CLIP4: variants seen among roughly 807,000 people sequenced by gnomAD.
CLIP4 encodes the protein CAP-Gly domain containing linker protein family member 4.
A neutral mutation model predicts 73.1 loss-of-function variants in CLIP4; 47 were observed. The ratio of observed to expected loss-of-function variants is 0.64; its 90% CI spans 0.51 to 0.82. The LOEUF is 0.82. Among genes scored for constraint, CLIP4 ranks in the 40% least tolerant of loss-of-function variants. The probability of loss-of-function intolerance (pLI) is 0.00; values close to 1 mark genes in which losing one functional copy is unlikely to be tolerated. For missense variants in CLIP4, 874 were observed against 852.9 expected, an observed-to-expected ratio of 1.02 and a Z score of -0.31; for synonymous variants, 306 against 295.4, an observed-to-expected ratio of 1.04 and a Z score of -0.37.
intron 2 of CLIP4, among the ~76,000 whole-genome samples, chr2:29,125,674 T>C (rs1664556212): frequency 6.6e-6 from 1 of 152,184 alleles, no homozygotes; most frequent in Non-Finnish European, 1.5e-5. Flanking sequence ...CTGGGGCATG[T>C]GTAGGACTTT....
chr2:29,156,441 A>G lies in CLIP4; in HGVS notation c.1253A>G (p.Asp418Gly). The change falls in exon 10 of 16, where the codon GAT (aspartate) becomes GGT (glycine). Residue 418 changes from aspartate to glycine, a missense_variant and splice_region_variant. Physicochemically the swap from Asp to Gly is moderately conservative, Grantham distance 94 (BLOSUM62 -1). Transcript: ENST00000320081. ...GEELKTVTEK[D>G]VALLGSVSSC... is the part of the protein sequence containing the mutation. ...GAACTTAAAACTGTGACAGAGAAAGATGGTAATATACCTTGTAACCTCTGT... is the reference window on the plus strand; with the variant it reads ...GAACTTAAAACTGTGACAGAGAAAGGTGGTAATATACCTTGTAACCTCTGT... 1 of 1,566,002 alleles carries G rather than the reference A, an allele frequency of 6.4e-7. No homozygotes were observed. The highest frequency in any genetic ancestry group is 1.2e-5 in the South Asian group (1 of 83,536).
chr2:29,154,278 A>G (rs1230954774), intron 9 of CLIP4, among the ~76,000 whole-genome samples: 1 of 152,316 alleles, frequency 6.6e-6, no homozygotes, highest in Admixed American at 6.5e-5. Flanking sequence ...TCTGAGGAGC[A>G]GAAAAGGGGT....
intron 12 of CLIP4, among the ~76,000 whole-genome samples, chr2:29,160,787 C>T (rs935246604): frequency 4.6e-5 from 7 of 151,950 alleles, no homozygotes; most frequent in East Asian, 1.9e-4. Context: ...ATTTTTGCTA[C>T]GGATAATCTT....
rs184634899 is a variant in CLIP4, at chr2:29,172,450, G to A, written c.1724-1923G>A. ...TTTCCCCCTGCATATTGACAGTATC[G>A]TTGTGCTGTTTTTGGCTTCTGTCAT... On this transcript the variant is annotated intron_variant, in intron 14 of 15. Transcript: ENST00000320081. Among the ~76,000 whole-genome samples, 68 of 152,146 alleles carry A rather than the reference G, an allele frequency of 4.5e-4. 2 individuals are homozygous for A. The highest frequency in any genetic ancestry group is 3.6e-3 in the Admixed American group (55 of 15,286).
chr2:29,165,673 A>T (rs1667563265), intron 13 of CLIP4, among the ~76,000 whole-genome samples: 1 of 152,190 alleles, frequency 6.6e-6, no homozygotes, highest in Admixed American at 6.5e-5. Flanking sequence ...GCAGTCTCTT[A>T]CAAGTTTTGT....
At chr2:29,166,557 ACACACT>A (rs1426859573) in intron 13 of CLIP4, among the ~76,000 whole-genome samples, 2 of 146,154 alleles carry the variant, frequency 1.4e-5, no homozygotes, top group Non-Finnish European at 3.1e-5. Flanking sequence ...ACACACACAC[ACACACT>A]GCTCAAGTAA....
At chr2:29,173,785 C>A (rs919529466) in intron 14 of CLIP4, among the ~76,000 whole-genome samples, 36 of 152,090 alleles carry the variant, frequency 2.4e-4, no homozygotes, top group Non-Finnish European at 2.9e-4. Flanking sequence ...GTTTTTATTT[C>A]TGTTGTATTA....
intron 2 of CLIP4, among the ~76,000 whole-genome samples, chr2:29,127,169 A>G (rs892343255): frequency 6.6e-6 from 1 of 152,006 alleles, no homozygotes; most frequent in African/African-American, 2.4e-5. Flanking sequence ...CAGAGGTTTG[A>G]TAATATCTAA....
chr2:29,174,215 G>C (rs1349344009), intron 14 of CLIP4, among the ~76,000 whole-genome samples, 158 bp from the exon 15 acceptor site: 1 of 151,940 alleles, frequency 6.6e-6, no homozygotes, highest in Non-Finnish European at 1.5e-5. Flanking sequence ...GCCTCCCAAA[G>C]TGCTGGGATT....
chr2:29,175,300 G>C (rs1204710148), intron 15 of CLIP4: 1 of 152,258 alleles, frequency 6.6e-6, no homozygotes, highest in African/African-American at 2.4e-5. Flanking sequence ...GAGAGGGTTG[G>C]GTGGGGCTGT....
intron 1 of CLIP4, among the ~76,000 whole-genome samples, chr2:29,101,860 T>A (rs971957594): frequency 1.3e-5 from 2 of 152,200 alleles, no homozygotes; most frequent in Non-Finnish European, 2.9e-5. Context: ...CTTCTTTGAA[T>A]CAAAATTAAA....
At chr2:29,170,667 A>G (rs1573026214) in intron 14 of CLIP4, among the ~76,000 whole-genome samples, 1 of 152,194 alleles carries the variant, frequency 6.6e-6, no homozygotes, top group African/African-American at 2.4e-5. Flanking sequence ...TCTAAAAGTC[A>G]TCATCAAACC....
At chr2:29,136,415 C>T (rs1241471558) in intron 6 of CLIP4, among the ~76,000 whole-genome samples, 2 of 151,992 alleles carry the variant, frequency 1.3e-5, no homozygotes, top group Non-Finnish European at 2.9e-5. Flanking sequence ...CTTGATTACC[C>T]CCCAACTTTT....
intron 14 of CLIP4, among the ~76,000 whole-genome samples, chr2:29,169,694 AAGT>A (rs1667879532): frequency 6.6e-6 from 1 of 152,154 alleles, no homozygotes; most frequent in Non-Finnish European, 1.5e-5. Flanking sequence ...TGTAATCATT[AAGT>A]CAGGGTAATT....
rs1665959858 is a variant in CLIP4 at position 29,143,850 on chromosome 2, G to C, written c.790G>C (p.Ala264Pro). ...GCCTCTGTCATGTAACATCTCAAAG[G>C]CCATGCTCCCAAATTATGATCATGT... Reference protein sequence around the residue: ...AVPLSCNISKAMLPNYDHVTG... With the variant: ...AVPLSCNISKPMLPNYDHVTG... The change falls in exon 7 of 16, where the codon GCC (alanine) becomes CCC (proline). Residue 264 changes from alanine (A) to proline (P), a missense_variant. Ala to Pro is a conservative substitution (Grantham distance 27). Coordinates refer to ENST00000320081, the MANE Select transcript of CLIP4 (RefSeq NM_024692.6). 2 of 1,614,122 alleles carry C rather than the reference G, an allele frequency of 1.2e-6. No individual in the cohort carries two copies. Among genetic ancestry groups the C allele is most frequent in the Non-Finnish European group, 1.7e-6 (2 of 1,180,006 alleles).
intron 13 of CLIP4, among the ~76,000 whole-genome samples, chr2:29,166,520 TACACACACAGACAC>T (rs1440243174): frequency 7.4e-5 from 9 of 121,746 alleles, no homozygotes; most frequent in Middle Eastern, 8.2e-3. Context: ...GTTAATCACA[TACACACACAGACAC>T]ACACACACAC....
Position 29,133,665 on chromosome 2 carries a change from A to G in CLIP4, c.378A>G (p.Glu126=). ...KSGAHGIGDV[E]TAVKFATQLI... is the part of the protein sequence containing the mutation. Reference sequence around the variant, plus strand: ...GAAAATCTTCTTTAGGTGATGTGGAAACAGCTGTAAAATTTGCAACTCAGC... The same window carrying G: ...GAAAATCTTCTTTAGGTGATGTGGAGACAGCTGTAAAATTTGCAACTCAGC... Residue 126 remains glutamate (E), a synonymous_variant, in exon 5 of 16, where the codon GAA becomes GAG. Coordinates refer to ENST00000320081, the MANE Select transcript of CLIP4 (RefSeq NM_024692.6). 1 of 1,606,306 alleles carries G rather than the reference A, an allele frequency of 6.2e-7. No individual in the cohort carries two copies. The highest frequency in any genetic ancestry group is 2.2e-5 in the East Asian group (1 of 44,852).
rs144936230 is a variant in CLIP4 at position 29,128,216 on chromosome 2, A to G, written c.134-3042A>G. Among the ~76,000 whole-genome samples the G allele has an allele frequency of 1.1e-3, 174 of 151,330 alleles. 1 individual carries two copies. Among genetic ancestry groups the G allele is most frequent in the Middle Eastern group, 6.8e-3 (2 of 292 alleles). On this transcript the variant is annotated intron_variant, in intron 2 of 15. Coordinates refer to ENST00000320081, the MANE Select transcript of CLIP4 (RefSeq NM_024692.6). ...TTTTTTTTTTTTTTTAAAGAAATAGAACAAGATTTTCTAGGGGCCGTTGAA... is the reference window on the plus strand; with the variant it reads ...TTTTTTTTTTTTTTTAAAGAAATAGGACAAGATTTTCTAGGGGCCGTTGAA...
intron 1 of CLIP4, among the ~76,000 whole-genome samples, chr2:29,101,383 C>T (rs1411916515): frequency 6.6e-6 from 1 of 151,288 alleles, no homozygotes; most frequent in Non-Finnish European, 1.5e-5. Context: ...TAGCCCCTGG[C>T]AAATCACTGC....
Sources: gnomAD v4.1 joint callset for allele counts (sites outside exome capture counted in the v4.1 genomes callset) on GRCh38, gnomAD v4.1.1 for gene constraint, MANE v1.5 for transcripts, NCBI Gene and HGNC (gene_info 2026-07-23, HGNC 2026-07-21) for gene names.